Variants in CKAP2L observed in about 807,000 individuals in gnomAD.
CKAP2L encodes the protein cytoskeleton associated protein 2L.
CKAP2L carries 42 observed loss-of-function variants against 65.7 expected under a neutral mutation model. That is an observed-to-expected ratio of 0.64 (90% CI 0.50 to 0.83). The LOEUF is 0.83. Among genes scored for constraint, CKAP2L ranks in the 40% least tolerant of loss-of-function variants. CKAP2L has a pLI of 0.00. For synonymous variants in CKAP2L, 325 were observed against 313.5 expected (o/e 1.04, Z -0.39); for missense variants, 908 against 871.0 (o/e 1.04, Z -0.53).
chr2:112,754,151 G>C (rs889176318), intron 4 of CKAP2L, among the ~76,000 whole-genome samples: 1 of 152,164 alleles, frequency 6.6e-6, no homozygotes, highest in African/African-American at 2.4e-5. Context: ...TAAGATGGTT[G>C]CAACACTATC....
intron 2 of CKAP2L, among the ~76,000 whole-genome samples, chr2:112,760,973 ACT>A (rs557700564): frequency 4.0e-5 from 6 of 148,632 alleles, no homozygotes; most frequent in Non-Finnish European, 8.9e-5. Flanking sequence ...AACTGCTCCT[ACT>A]CTTTTTTTTT....
intron 6 of CKAP2L, among the ~76,000 whole-genome samples, chr2:112,744,308 G>C (rs1471429652): frequency 6.6e-6 from 1 of 152,208 alleles, no homozygotes; most frequent in African/African-American, 2.4e-5. Flanking sequence ...AGAAGGAAGA[G>C]AGGTAAACAA....
rs1480714148 is a variant in CKAP2L at position 112,752,273 on chromosome 2, G to A, written c.1596C>T (p.Ile532=). The change falls in exon 5 of 9, where the codon ATC becomes ATT. Residue 532 remains isoleucine (I), a synonymous_variant. Transcript: ENST00000302450. ...GCTTATCTTCTTCACTTACCCCTTC[G>A]ATGAGGTTCAGACATTCTGTCAGAG... ...NNTLTECLNL[I]EGGVPSNEIL... 3.7e-6 allele frequency: 6 copies of A among 1,610,814 alleles called. No individual in the cohort carries two copies. The highest frequency in any genetic ancestry group is 1.7e-5 in the Admixed American group (1 of 59,690).
intron 5 of CKAP2L, among the ~76,000 whole-genome samples, chr2:112,750,517 C>T (rs1394052654): frequency 6.6e-6 from 1 of 152,202 alleles, no homozygotes; most frequent in African/African-American, 2.4e-5. Context: ...GCCAGAGTCA[C>T]CGTCCATGGA....
intron 7 of CKAP2L, among the ~76,000 whole-genome samples, chr2:112,742,254 G>A (rs1161907238): frequency 6.6e-6 from 1 of 152,146 alleles, no homozygotes; most frequent in African/African-American, 2.4e-5. Context: ...TCATAGAAGA[G>A]TCTTCTAAAG....
chr2:112,757,095 C>A lies in CKAP2L; in HGVS notation c.276G>T (p.Lys92Asn), dbSNP rs182019706. Reference sequence around the variant, plus strand: ...TGCCCAGAAGTTTTGGTGGCTCCAACTTCGGCTTCTGGGACCCTGCAGTAT... The same window carrying A: ...TGCCCAGAAGTTTTGGTGGCTCCAAATTCGGCTTCTGGGACCCTGCAGTAT... ...PPNTAGSQKPKLEPPKLLGKR... is the reference protein window; with the variant it reads ...PPNTAGSQKPNLEPPKLLGKR... The change falls in exon 4 of 9, where the codon AAG (lysine) becomes AAT (asparagine). Residue 92 changes from lysine (K) to asparagine (N), a missense_variant. Physicochemically the swap from Lys to Asn is moderately conservative, Grantham distance 94 (BLOSUM62 0). Transcript: ENST00000302450. 8.7e-6 allele frequency: 14 copies of A among 1,614,186 alleles called. No individual in the cohort carries two copies. In the East Asian group the frequency reaches 2.5e-4, roughly 28 times the overall value.
At position 112,756,609 on chromosome 2, in the gene CKAP2L, G is replaced by C. The variant is rs766709636; in HGVS notation, c.762C>G (p.Phe254Leu). Residue 254 changes from phenylalanine to leucine, a missense_variant, in exon 4 of 9, where the codon TTC (phenylalanine) becomes TTG (leucine). Transcript: ENST00000302450. ...QFVGETQSRTFPVKSQQLSRG... is the reference protein window; with the variant it reads ...QFVGETQSRTLPVKSQQLSRG... Reference sequence around the variant, plus strand: ...TAGAGAGTTGCTGTGATTTTACTGGGAAAGTCCTGCTTTGTGTTTCTCCAA... The same window carrying C: ...TAGAGAGTTGCTGTGATTTTACTGGCAAAGTCCTGCTTTGTGTTTCTCCAA... 1 of 1,613,020 alleles carries C rather than the reference G, an allele frequency of 6.2e-7. No homozygotes were observed. The highest frequency in any genetic ancestry group is 1.7e-5 in the Admixed American group (1 of 59,762).
At chr2:112,749,661 A>AT (rs1680308722) in intron 5 of CKAP2L, among the ~76,000 whole-genome samples, 2 of 152,218 alleles carry the variant, frequency 1.3e-5, no homozygotes, top group Admixed American at 6.5e-5. Flanking sequence ...TTTCTAAGAT[A>AT]TTTTTTGGGT....
intron 8 of CKAP2L, among the ~76,000 whole-genome samples, chr2:112,739,816 G>A (rs527579579): frequency 1.1e-4 from 16 of 152,212 alleles, no homozygotes; most frequent in South Asian, 2.1e-4. Context: ...CAGCATGCCT[G>A]GCTAATTTTT....
rs2104827371 is a variant in CKAP2L at position 112,737,565 on chromosome 2, A to G, written c.*1258T>C. The G allele has an allele frequency of 6.6e-6, 1 of 152,126 alleles. No homozygotes were observed. The highest frequency in any genetic ancestry group is 3.4e-3 in the Middle Eastern group (1 of 294). 9.4% of individuals were successfully genotyped at this position (152,126 alleles called of 1,614,324 possible). Reference sequence around the variant, plus strand: ...CTGCTCAGGTCCTTTGCCCATTTTTAATTATTAGTTTTTCCACAATTGAGT... The same window carrying G: ...CTGCTCAGGTCCTTTGCCCATTTTTGATTATTAGTTTTTCCACAATTGAGT... On this transcript the variant is annotated 3_prime_UTR_variant, in exon 9 of 9. Transcript: ENST00000302450.
chr2:112,749,945 AAC>A (rs1680315254), intron 5 of CKAP2L, among the ~76,000 whole-genome samples: 1 of 152,150 alleles, frequency 6.6e-6, no homozygotes, highest in African/African-American at 2.4e-5. Context: ...CCCTGGCAGT[AAC>A]AGTTGGTTCT....
In CKAP2L at chr2:112,744,178, C is replaced by T. The variant is rs901760511; in HGVS notation, c.1759-1409G>A. Among the ~76,000 whole-genome samples, 6 of 152,054 alleles carry T rather than the reference C, an allele frequency of 3.9e-5. No individual in the cohort carries two copies. The South Asian group carries it at 1.0e-3, about 26-fold the overall frequency. On this transcript the variant is annotated intron_variant, in intron 6 of 8. Transcript: ENST00000302450. ...GGTTAATGATGGTGGATTAAATATA[C>T]GTTTATTTCTAATCTCTCTTGAAAA...
intron 3 of CKAP2L, among the ~76,000 whole-genome samples, chr2:112,760,230 T>A (rs1300488012): frequency 6.6e-6 from 1 of 152,204 alleles, no homozygotes; most frequent in Non-Finnish European, 1.5e-5. Context: ...GAAGGTTCAA[T>A]GCAAATGTTC....
intron 2 of CKAP2L, among the ~76,000 whole-genome samples, chr2:112,760,981 T>A (rs1205956276): frequency 6.6e-6 from 1 of 151,480 alleles, no homozygotes; most frequent in Non-Finnish European, 1.5e-5. Context: ...CTACTCTTTT[T>A]TTTTTTGCCT....
Position 112,756,604 on chromosome 2 carries a change from A to G in CKAP2L, c.767T>C (p.Val256Ala), listed in dbSNP as rs763203294. 1.2e-6 allele frequency: 2 copies of G among 1,613,314 alleles called. No individual in the cohort carries two copies. Among genetic ancestry groups the G allele is most frequent in the Non-Finnish European group, 1.7e-6 (2 of 1,179,802 alleles). The change falls in exon 4 of 9, where the codon GTA (valine) becomes GCA (alanine). Residue 256 changes from valine (V) to alanine (A), a missense_variant. Val to Ala is a moderately conservative substitution (Grantham distance 64). Coordinates refer to ENST00000302450, the MANE Select transcript of CKAP2L (RefSeq NM_152515.5). ...TCCTCTAGAGAGTTGCTGTGATTTT[A>G]CTGGGAAAGTCCTGCTTTGTGTTTC... Reference protein sequence around the residue: ...VGETQSRTFPVKSQQLSRGAD... With the variant: ...VGETQSRTFPAKSQQLSRGAD...
rs752907268 is a variant in CKAP2L, at chr2:112,738,797, C to G, written c.*26G>C. ...CTTGTCTTATGTTGGTTCTGAAACA[C>G]CTTTTTTAAAAAAAGCATCAAGAAA... On this transcript the variant is annotated 3_prime_UTR_variant, in exon 9 of 9. Transcript: ENST00000302450. 2 of 1,474,932 alleles carry G rather than the reference C, an allele frequency of 1.4e-6. No individual in the cohort carries two copies. Among genetic ancestry groups the G allele is most frequent in the Non-Finnish European group, 1.9e-6 (2 of 1,054,654 alleles). 91.4% of individuals were successfully genotyped at this position (1,474,932 alleles called of 1,614,324 possible). A position where few individuals can be genotyped will look rare whatever the true frequency, so the allele number is the denominator to read the frequency against.
intron 7 of CKAP2L, 60 bp from the exon 8 acceptor site, chr2:112,741,067 G>A: frequency 9.0e-7 from 1 of 1,113,466 alleles, no homozygotes; most frequent in East Asian, 2.4e-5. Context: ...TCAACTAGAA[G>A]TCAATAACAT....
intron 3 of CKAP2L, among the ~76,000 whole-genome samples, chr2:112,759,327 T>G (rs1304395823): frequency 6.6e-6 from 1 of 152,198 alleles, no homozygotes; most frequent in African/African-American, 2.4e-5. Context: ...TATAAACATG[T>G]CTGGGTGTTA....
At chr2:112,741,328 C>T (rs1574319060) in intron 7 of CKAP2L, among the ~76,000 whole-genome samples, 1 of 152,248 alleles carries the variant, frequency 6.6e-6, no homozygotes, top group Non-Finnish European at 1.5e-5. Flanking sequence ...AGGGACTAAT[C>T]ACTGGCCTTC....
Sources: gnomAD v4.1 joint callset for allele counts (sites outside exome capture counted in the v4.1 genomes callset) on GRCh38, gnomAD v4.1.1 for gene constraint, MANE v1.5 for transcripts, NCBI Gene and HGNC (gene_info 2026-07-23, HGNC 2026-07-21) for gene names.